Variants in TMEM62 observed in about 807,000 individuals in gnomAD.
TMEM62 encodes the protein transmembrane protein 62.
In TMEM62, 41 loss-of-function variants were observed where a neutral mutation model predicts 70.4. That is an observed-to-expected ratio of 0.58 (90% CI 0.45 to 0.76). TMEM62 has a LOEUF of 0.76. Among genes scored for constraint, TMEM62 ranks in the 30% least tolerant of loss-of-function variants. The probability of loss-of-function intolerance (pLI) is 0.00; values close to 1 mark genes in which losing one functional copy is unlikely to be tolerated. For missense variants in TMEM62, 688 were observed against 788.5 expected (o/e 0.87, Z 1.53); for synonymous variants, 268 against 291.0 (o/e 0.92, Z 0.80).
intron 3 of TMEM62, chr15:43,135,863 CAT>C: frequency 2.3e-6 from 1 of 432,878 alleles, no homozygotes; most frequent in Non-Finnish European, 4.0e-6. Context: ...TTTTTTGTGA[CAT>C]ATGCTGCTTC....
intron 4 of TMEM62, among the ~76,000 whole-genome samples, chr15:43,139,998 C>G (rs976014940): frequency 6.6e-6 from 1 of 152,148 alleles, no homozygotes; most frequent in African/African-American, 2.4e-5. Flanking sequence ...CCATCTAGGA[C>G]TTTTATAGCT....
At chr15:43,171,622 T>G (rs1479986657) in intron 11 of TMEM62, among the ~76,000 whole-genome samples, 24 of 146,848 alleles carry the variant, frequency 1.6e-4, no homozygotes, top group African/African-American at 5.5e-4. Context: ...AACTTTTTTT[T>G]TTTTTTTTTT....
chr15:43,178,681 G>T lies in TMEM62; in HGVS notation c.1456G>T (p.Val486Leu). 6.2e-7 allele frequency: 1 copy of T among 1,612,422 alleles called. No individual in the cohort carries two copies. The highest frequency in any genetic ancestry group is 8.5e-7 in the Non-Finnish European group (1 of 1,178,838). ...CAAAATAAACATCTTCTACTATTCT[G>T]TGTTGTTGTTGACCCTGTATACAGT... ...LSKINIFYYS[V>L]LLLTLYTVLG... The change falls in exon 12 of 14, where the codon GTG becomes TTG. Residue 486 changes from valine to leucine, a missense_variant. Transcript: ENST00000260403.
intron 11 of TMEM62, among the ~76,000 whole-genome samples, chr15:43,175,078 G>T (rs2040584684): frequency 6.6e-6 from 1 of 152,150 alleles, no homozygotes; most frequent in South Asian, 2.1e-4. Flanking sequence ...GTTCCCCTAG[G>T]TTATTCTAAT....
intron 11 of TMEM62, among the ~76,000 whole-genome samples, chr15:43,172,349 TTAGA>T (rs2142006092): frequency 6.6e-6 from 1 of 152,334 alleles, no homozygotes; most frequent in East Asian, 1.9e-4. Flanking sequence ...AACTAAGATA[TTAGA>T]TAGAGTTAGT....
chr15:43,153,131 T>A (rs2037599273), intron 8 of TMEM62, among the ~76,000 whole-genome samples: 1 of 152,208 alleles, frequency 6.6e-6, no homozygotes, highest in South Asian at 2.1e-4. Flanking sequence ...TTGAATAATT[T>A]CTTTAAGAAA....
chr15:43,133,877 C>T lies in TMEM62; in HGVS notation c.75C>T (p.His25=). The change falls in exon 1 of 14, where the codon CAC becomes CAT. Residue 25 remains histidine (H), a synonymous_variant. Transcript: ENST00000260403. Reference sequence around the variant, plus strand: ...CGCTGGTGGCCATGCTCTTGGAGCACTACGGCCTGGCGGGCCAGCCCTCGC... The same window carrying T: ...CGCTGGTGGCCATGCTCTTGGAGCATTACGGCCTGGCGGGCCAGCCCTCGC... The part of the protein sequence containing the change: ...AAALVAMLLE[H]YGLAGQPSPL... The T allele has an allele frequency of 6.7e-7, 1 of 1,500,792 alleles. No individual in the cohort carries two copies. 93.0% of individuals were successfully genotyped at this position (1,500,792 alleles called of 1,614,324 possible). A position where few individuals can be genotyped will look rare whatever the true frequency, so the allele number is the denominator to read the frequency against.
intron 11 of TMEM62, chr15:43,169,888 G>C (rs2040006145): frequency 2.1e-6 from 1 of 474,340 alleles, no homozygotes; most frequent in South Asian, 3.4e-5. Context: ...TATAGGAAAA[G>C]ACATAAAGCA....
chr15:43,133,335 A>G (rs1278658056), upstream of TMEM62: 1 of 155,530 alleles, frequency 6.4e-6, no homozygotes, highest in Non-Finnish European at 1.4e-5. Context: ...GCGTTCTCAT[A>G]CATTCTCACT....
intron 11 of TMEM62, chr15:43,169,899 A>G (rs2040006924): frequency 2.1e-5 from 9 of 433,320 alleles, no homozygotes; most frequent in South Asian, 2.0e-4. Flanking sequence ...ACATAAAGCA[A>G]TACATGGAAG....
intron 13 of TMEM62, 152 bp from the exon 14 acceptor site, chr15:43,184,108 T>G (rs2041659864): frequency 1.5e-6 from 1 of 651,350 alleles, no homozygotes; most frequent in African/African-American, 1.8e-5. Context: ...TAGCCACAAG[T>G]CAGCTGTTGT....
At chr15:43,142,726 T>C (rs2036209246) in intron 4 of TMEM62, among the ~76,000 whole-genome samples, 1 of 151,802 alleles carries the variant, frequency 6.6e-6, no homozygotes, top group African/African-American at 2.4e-5. Flanking sequence ...TGGAGTGCAA[T>C]GGCGCGATCT....
intron 8 of TMEM62, among the ~76,000 whole-genome samples, chr15:43,153,690 A>G (rs967579700): frequency 6.6e-6 from 1 of 151,932 alleles, no homozygotes; most frequent in African/African-American, 2.4e-5. Context: ...GTGTGTGTAT[A>G]TACACACATA....
At chr15:43,141,912 G>A (rs2141549177) in intron 4 of TMEM62, among the ~76,000 whole-genome samples, 1 of 152,268 alleles carries the variant, frequency 6.6e-6, no homozygotes, top group South Asian at 2.1e-4. Context: ...AGCCTGAAGA[G>A]GTGACTAAAT....
intron 11 of TMEM62, among the ~76,000 whole-genome samples, chr15:43,174,710 C>G (rs2040551231): frequency 6.6e-6 from 1 of 152,206 alleles, no homozygotes; most frequent in Non-Finnish European, 1.5e-5. Flanking sequence ...AGAGGAGAGA[C>G]TCCAAACCCA....
intron 4 of TMEM62, chr15:43,146,011 A>C (rs1442509591): frequency 6.6e-6 from 1 of 152,592 alleles, no homozygotes; most frequent in Non-Finnish European, 1.5e-5. Flanking sequence ...AAGATTTAAC[A>C]ACCCAGACCT....
chr15:43,176,875 G>A (rs530827453), intron 11 of TMEM62, among the ~76,000 whole-genome samples: 35 of 152,166 alleles, frequency 2.3e-4, no homozygotes, highest in African/African-American at 7.5e-4. Flanking sequence ...GGCTTCAGAC[G>A]ATCAAACTAC....
At chr15:43,140,585 C>T (rs2035870085) in intron 4 of TMEM62, among the ~76,000 whole-genome samples, 1 of 152,210 alleles carries the variant, frequency 6.6e-6, no homozygotes, top group Non-Finnish European at 1.5e-5. Context: ...ATGGCTGCAG[C>T]TACAGGAAGG....
intron 9 of TMEM62, among the ~76,000 whole-genome samples, chr15:43,159,991 CAG>C (rs2038494339): frequency 6.6e-6 from 1 of 151,862 alleles, no homozygotes; most frequent in Non-Finnish European, 1.5e-5. Context: ...GTTTTTTTGA[CAG>C]AGTCTCACTC....
Sources: allele counts gnomAD v4.1 joint callset (sites outside exome capture counted in the v4.1 genomes callset), GRCh38; gene constraint gnomAD v4.1.1; transcripts MANE v1.5; gene names NCBI Gene and HGNC (gene_info 2026-07-23, HGNC 2026-07-21).